TIAM2: variants seen among roughly 807,000 people sequenced by gnomAD.
TIAM2 encodes TIAM Rac1 associated GEF 2, also known as rho guanine nucleotide exchange factor TIAM2.
Under a neutral mutation model 152.9 loss-of-function variants are expected in TIAM2, and 80 were observed. That is an observed-to-expected ratio of 0.52 (90% confidence interval 0.44 to 0.63). The LOEUF is 0.63. Among genes scored for constraint, TIAM2 ranks in the 30% least tolerant of loss-of-function variants. The pLI, the probability that TIAM2 is intolerant of heterozygous loss-of-function variation, is 0.00. For synonymous variants in TIAM2, 804 were observed against 838.0 expected (o/e 0.96, Z 0.70); for missense variants, 1,965 against 2,120.1 (o/e 0.93, Z 1.44).
Position 155,257,190 on chromosome 6 carries a change from C to CAAAA in TIAM2, c.*87_*90dup, listed in dbSNP as rs11455127. On this transcript the variant is annotated 3_prime_UTR_variant, in exon 27 of 27. Transcript: ENST00000682666. ...TAAACTGGTGGTAAAGTGGAAATTG[C>CAAAA]AAAAAAAAAAAAAAAAAAAAACTGT... 473 of 547,472 alleles carry CAAAA rather than the reference C, an allele frequency of 8.6e-4. 1 individual carries two copies. The highest frequency in any genetic ancestry group is 3.5e-3 in the African/African-American group (138 of 39,024). The allele number at this position is 547,472 out of a possible 1,614,324, so 33.9% of individuals were successfully genotyped here.
intron 14 of TIAM2, among the ~76,000 whole-genome samples, chr6:155,201,194 C>G (rs1781465300): frequency 6.6e-6 from 1 of 152,076 alleles, no homozygotes; most frequent in East Asian, 1.9e-4. Context: ...TCTTTTAATC[C>G]AAGAGAACCG....
intron 14 of TIAM2, among the ~76,000 whole-genome samples, chr6:155,209,612 G>A (rs1313670992): frequency 6.6e-6 from 1 of 152,084 alleles, no homozygotes; most frequent in Non-Finnish European, 1.5e-5. Context: ...CATGCCTTTC[G>A]GGTCAGCACT....
chr6:155,079,693 TC>T (rs1300202018), intron 1 of TIAM2, among the ~76,000 whole-genome samples: 2 of 152,212 alleles, frequency 1.3e-5, no homozygotes, highest in African/African-American at 4.8e-5. Context: ...ACGCCTGTAA[TC>T]CCAGCACTTT....
chr6:155,131,743 C>A (rs1200609487), intron 4 of TIAM2, among the ~76,000 whole-genome samples: 1 of 151,926 alleles, frequency 6.6e-6, no homozygotes, highest in Non-Finnish European at 1.5e-5. Flanking sequence ...CCATGCCTGG[C>A]TAATTTGTGT....
At chr6:155,009,931 C>A (rs897087538) in intron 1 of TIAM2, among the ~76,000 whole-genome samples, 29 of 152,192 alleles carry the variant, frequency 1.9e-4, no homozygotes, top group African/African-American at 6.7e-4. Flanking sequence ...CGGCTCACTG[C>A]AACCTCCACC....
At chr6:155,242,467 T>G (rs984648665) in intron 16 of TIAM2, among the ~76,000 whole-genome samples, 2 of 152,212 alleles carry the variant, frequency 1.3e-5, no homozygotes, top group Admixed American at 1.3e-4. Context: ...GCGTGGAATA[T>G]GGTGAGGGAA....
At chr6:155,097,678 G>A (rs771569313) in intron 2 of TIAM2, among the ~76,000 whole-genome samples, 5 of 152,264 alleles carry the variant, frequency 3.3e-5, no homozygotes, top group East Asian at 1.9e-4. Flanking sequence ...TCCATGTATC[G>A]ATTTCTGCTT....
In TIAM2 at chr6:155,250,935, A is replaced by G; in HGVS notation, c.3974A>G (p.Glu1325Gly). ...TAGGTAACAGAACTTTCGATGGGAG[A>G]GCTTCTGATGCACTCTACGGTTTCC... ...EKEVTELSMG[E>G]LLMHSTVSWL... The change falls in exon 22 of 27, where the codon GAG (glutamate) becomes GGG (glycine). Residue 1325 changes from glutamate (E) to glycine (G), a missense_variant. Around this residue, in one of 3 missense-constraint regions of TIAM2, gnomAD observed 935 missense variants for 980.0 expected, o/e 0.95. Coordinates refer to ENST00000682666, the MANE Select transcript of TIAM2 (RefSeq NM_012454.4). 1 of 1,614,080 alleles carries G rather than the reference A, an allele frequency of 6.2e-7. No individual in the cohort carries two copies. Among genetic ancestry groups the G allele is most frequent in the Non-Finnish European group, 8.5e-7 (1 of 1,180,002 alleles).
At chr6:155,115,782 A>G (rs753627185) in intron 2 of TIAM2, among the ~76,000 whole-genome samples, 2 of 152,150 alleles carry the variant, frequency 1.3e-5, no homozygotes, top group Non-Finnish European at 2.9e-5. Context: ...TATGCAACCT[A>G]TGAGGATTCT....
intron 1 of TIAM2, among the ~76,000 whole-genome samples, chr6:155,051,919 C>G (rs534301863): frequency 1.3e-5 from 2 of 152,088 alleles, no homozygotes; most frequent in Non-Finnish European, 2.9e-5. Flanking sequence ...GGATTACAGG[C>G]GTGAGCCACT....
At position 155,033,096 on chromosome 6, in the gene TIAM2, G is replaced by T. The variant is rs9480024; in HGVS notation, c.-209+37604G>T. Among the ~76,000 whole-genome samples the T allele has an allele frequency of 3.2e-3, 482 of 152,188 alleles. 2 individuals carry two copies. Among genetic ancestry groups the T allele is most frequent in the African/African-American group, 0.011 (439 of 41,524 alleles). ...CTGGTCTAGATTTTCCTTGTTCCCGGGTCTTCTCGTTGCCTTCCTGAACAT... is the reference window on the plus strand; with the variant it reads ...CTGGTCTAGATTTTCCTTGTTCCCGTGTCTTCTCGTTGCCTTCCTGAACAT... On this transcript the variant is annotated intron_variant, in intron 1 of 26. Transcript: ENST00000682666.
chr6:155,029,545 TATGTAGTATAA>T, intron 1 of TIAM2, among the ~76,000 whole-genome samples: 3 of 42,690 alleles, frequency 7.0e-5, no homozygotes, highest in African/African-American at 2.8e-4. Context: ...TAATATATAT[TATGTAGTATAA>T]ATATATACTA....
chr6:155,213,453 G>T lies in TIAM2; in HGVS notation c.3168+2146G>T, dbSNP rs1388840038. ...CTGGAGTAGCTCCTCTCCTCAGCTG[G>T]TTGTCTCATTGTCTCTTTGAGTCTG... On this transcript the variant is annotated intron_variant, in intron 15 of 26. Transcript: ENST00000682666. This position sits in a 1 kb window ranked among gnomAD's most constrained non-coding sequence, Gnocchi z 4.2. Among the ~76,000 whole-genome samples, 8 of 152,144 alleles carry T rather than the reference G, an allele frequency of 5.3e-5. No homozygotes were observed. Among genetic ancestry groups the T allele is most frequent in the Non-Finnish European group, 1.2e-4 (8 of 68,028 alleles).
At chr6:155,229,876 G>T (rs1390232652) in intron 15 of TIAM2, among the ~76,000 whole-genome samples, 2 of 152,156 alleles carry the variant, frequency 1.3e-5, no homozygotes, top group African/African-American at 4.8e-5. Flanking sequence ...GAGAGCGTGT[G>T]CAGGGGAACT....
chr6:155,008,253 G>A (rs1359409046), intron 1 of TIAM2, among the ~76,000 whole-genome samples: 1 of 152,100 alleles, frequency 6.6e-6, no homozygotes, highest in Non-Finnish European at 1.5e-5. Flanking sequence ...TTCTCATTTG[G>A]CATTCTTAAA....
chr6:155,003,586 T>C lies in TIAM2; in HGVS notation c.-209+8094T>C, dbSNP rs144465415. Among the ~76,000 whole-genome samples, 11 of 152,310 alleles carry C rather than the reference T, an allele frequency of 7.2e-5. 2 individuals carry two copies. The highest frequency in any genetic ancestry group is 2.6e-4 in the African/African-American group (11 of 41,570). On this transcript the variant is annotated intron_variant, in intron 1 of 26. Coordinates refer to ENST00000682666, the MANE Select transcript of TIAM2 (RefSeq NM_012454.4). ...TCGACGCTCCCAGCTGTGCCTCAGCTGTGGGCCAAGTCTCCACCGGGGCCA... is the reference window on the plus strand; with the variant it reads ...TCGACGCTCCCAGCTGTGCCTCAGCCGTGGGCCAAGTCTCCACCGGGGCCA...
At chr6:155,252,771 G>C (rs1562375617) in intron 23 of TIAM2, 177 bp from the exon 24 acceptor site, 3 of 582,784 alleles carry the variant, frequency 5.1e-6, no homozygotes, top group Non-Finnish European at 6.1e-6. Context: ...ACCTTCCCTA[G>C]CATGTGAGGT....
intron 7 of TIAM2, among the ~76,000 whole-genome samples, chr6:155,153,533 G>A (rs981495346): frequency 1.3e-5 from 2 of 151,988 alleles, no homozygotes; most frequent in African/African-American, 4.8e-5. Context: ...TGTTCCTGAA[G>A]GGCTTTGTAG....
chr6:155,057,168 A>G (rs1321851845), intron 1 of TIAM2, among the ~76,000 whole-genome samples: 2 of 151,218 alleles, frequency 1.3e-5, no homozygotes, highest in Non-Finnish European at 3.0e-5. Flanking sequence ...AGCTGGGACT[A>G]TAGGTGCATG....
Sources: gnomAD v4.1 joint callset for allele counts (sites outside exome capture counted in the v4.1 genomes callset) on GRCh38, gnomAD v4.1.1 for gene constraint, gnomAD v4.1.1 regional missense constraint, Gnocchi (gnomAD v3.1) non-coding constraint, MANE v1.5 for transcripts, NCBI Gene and HGNC (gene_info 2026-07-23, HGNC 2026-07-21) for gene names.